Variants in GABRB2 observed in about 807,000 individuals in gnomAD.
The protein encoded by GABRB2 is gamma-aminobutyric acid type A receptor subunit beta2.
Under a neutral mutation model 54.7 loss-of-function variants are expected in GABRB2, and 16 were observed. The observed-to-expected ratio is 0.29, with a 90% CI of 0.20 to 0.44. The LOEUF (loss-of-function observed/expected upper bound fraction) is 0.44, where lower values mean the gene tolerates loss of function less well. Ranked by LOEUF, GABRB2 falls within the 20% of genes least tolerant of loss-of-function variation. The pLI is 1.00. For synonymous variants in GABRB2, 244 were observed against 233.8 expected (o/e 1.04, Z -0.40); for missense variants, 355 against 644.0 (o/e 0.55, Z 4.86).
intron 3 of GABRB2, among the ~76,000 whole-genome samples, chr5:161,461,873 T>A (rs1216561500): frequency 1.3e-5 from 2 of 152,228 alleles, no homozygotes; most frequent in East Asian, 3.9e-4. Flanking sequence ...CAAATCTGCA[T>A]AATTTTGTGT....
intron 9 of GABRB2, among the ~76,000 whole-genome samples, chr5:161,314,610 A>G (rs1757970205): frequency 6.6e-6 from 1 of 152,110 alleles, no homozygotes. Flanking sequence ...ATAAAATGGT[A>G]ATAAAAAATT....
At chr5:161,305,000 A>C (rs1757642973) in intron 9 of GABRB2, among the ~76,000 whole-genome samples, 1 of 134,856 alleles carries the variant, frequency 7.4e-6, no homozygotes, top group Non-Finnish European at 1.6e-5. Flanking sequence ...ATGATATATC[A>C]ATTTTTTTTT....
intron 4 of GABRB2, among the ~76,000 whole-genome samples, chr5:161,414,774 A>C: frequency 6.6e-6 from 1 of 151,760 alleles, no homozygotes; most frequent in Non-Finnish European, 1.5e-5. Context: ...ACAATAAATA[A>C]AACAAAGGGA....
chr5:161,294,347 C>A lies in GABRB2; in HGVS notation c.1273G>T (p.Gly425Ter). Residue 425 changes from glycine (G) to a stop codon, truncating the protein, a stop_gained, in exon 10 of 10, where the codon GGA (glycine) becomes TGA (stop). Coordinates refer to ENST00000393959, the MANE Select transcript of GABRB2 (RefSeq NM_001371727.1). LOFTEE classifies it high-confidence loss of function. ...MATSEAVMGL[G>*]DPRSTMLAYD... ...GCTAGCATTGTGCTTCTGGGGTCTCCAAGTCCCATCACAGCCTCAGATGTG... is the reference window on the plus strand; with the variant it reads ...GCTAGCATTGTGCTTCTGGGGTCTCAAAGTCCCATCACAGCCTCAGATGTG... 6.2e-7 allele frequency: 1 copy of A among 1,614,130 alleles called. No homozygotes were observed. Among genetic ancestry groups the A allele is most frequent in the Non-Finnish European group, 8.5e-7 (1 of 1,179,998 alleles).
intron 5 of GABRB2, among the ~76,000 whole-genome samples, chr5:161,353,449 G>A (rs984917003): frequency 1.3e-5 from 2 of 152,040 alleles, no homozygotes; most frequent in African/African-American, 4.8e-5. Context: ...ACAGATACAG[G>A]AACGTTGCTC....
chr5:161,359,440 G>GACACACACAC (rs57251440), intron 5 of GABRB2, among the ~76,000 whole-genome samples: 262 of 147,808 alleles, frequency 1.8e-3, no homozygotes, highest in East Asian at 6.7e-3. Context: ...AATTGCATCT[G>GACACACACAC]ACACACACAC....
intron 4 of GABRB2, among the ~76,000 whole-genome samples, chr5:161,418,559 A>C (rs542990163): frequency 1.5e-4 from 23 of 152,224 alleles, no homozygotes; most frequent in Non-Finnish European, 2.8e-4. Flanking sequence ...AACGTAAGAA[A>C]AACTCTTCTT....
At chr5:161,341,939 A>T (rs956961490) in intron 5 of GABRB2, among the ~76,000 whole-genome samples, 1 of 54,920 alleles carries the variant, frequency 1.8e-5, no homozygotes, top group Non-Finnish European at 4.7e-5. Flanking sequence ...TTTTTCTTTT[A>T]TATATATATA....
chr5:161,303,099 C>G (rs1480438357), intron 9 of GABRB2, among the ~76,000 whole-genome samples: 1 of 152,222 alleles, frequency 6.6e-6, no homozygotes, highest in African/African-American at 2.4e-5. Context: ...TACAGCCAGA[C>G]TATGAGAATG....
At chr5:161,423,266 A>G (rs1756901459) in intron 4 of GABRB2, among the ~76,000 whole-genome samples, 1 of 152,102 alleles carries the variant, frequency 6.6e-6, no homozygotes, top group Non-Finnish European at 1.5e-5. Flanking sequence ...GTTGGGAAAA[A>G]TCCCTCTTCA....
intron 9 of GABRB2, among the ~76,000 whole-genome samples, chr5:161,321,523 G>A (rs996295972): frequency 1.3e-5 from 2 of 152,042 alleles, no homozygotes; most frequent in Admixed American, 6.5e-5. Flanking sequence ...CATTTTACCA[G>A]AGGCTAGATT....
chr5:161,528,433 A>C (rs1270265144), intron 3 of GABRB2, among the ~76,000 whole-genome samples: 1 of 151,846 alleles, frequency 6.6e-6, no homozygotes, highest in East Asian at 1.9e-4. Flanking sequence ...TACCTGCTTT[A>C]CAAAGTAAAC....
intron 5 of GABRB2, among the ~76,000 whole-genome samples, chr5:161,337,600 A>G (rs1754029823): frequency 6.6e-6 from 1 of 152,154 alleles, no homozygotes; most frequent in Non-Finnish European, 1.5e-5. Context: ...ATTCTCTGTT[A>G]TTAATGATAC....
chr5:161,501,790 T>C, intron 3 of GABRB2, among the ~76,000 whole-genome samples: 2 of 151,480 alleles, frequency 1.3e-5, no homozygotes, highest in South Asian at 4.2e-4. Context: ...ATAACCTAAA[T>C]ATAAGTTAAA....
intron 3 of GABRB2, among the ~76,000 whole-genome samples, chr5:161,489,064 A>G (rs1759019929): frequency 6.6e-5 from 10 of 151,762 alleles, no homozygotes; most frequent in Admixed American, 6.6e-4. Flanking sequence ...GATGGTTGAA[A>G]CTATGAAATC....
rs1757235553 is a variant in GABRB2 at position 161,291,440 on chromosome 5, A to G, written c.*2641T>C. On this transcript the variant is annotated 3_prime_UTR_variant, in exon 10 of 10. Transcript: ENST00000393959. ...ACTGCATTTCATTTCAACGAAACAT[A>G]TATTTAAGAACAAATTCTACATCTA... The G allele has an allele frequency of 6.6e-6, 1 of 152,108 alleles. No individual in the cohort carries two copies. Among genetic ancestry groups the G allele is most frequent in the Non-Finnish European group, 1.5e-5 (1 of 68,014 alleles). The allele number at this position is 152,108 out of a possible 1,614,324, so 9.4% of individuals were successfully genotyped here. A position where few individuals can be genotyped will look rare whatever the true frequency, so the allele number is the denominator to read the frequency against.
intron 3 of GABRB2, among the ~76,000 whole-genome samples, chr5:161,465,801 T>C (rs1249424272): frequency 2.0e-5 from 3 of 152,164 alleles, no homozygotes; most frequent in Admixed American, 6.5e-5. Flanking sequence ...TTTAACTTTA[T>C]AGTTTGAAAC....
chr5:161,332,108 G>T (rs1753866641), intron 7 of GABRB2, among the ~76,000 whole-genome samples: 1 of 146,112 alleles, frequency 6.8e-6, no homozygotes, highest in Non-Finnish European at 1.5e-5. Flanking sequence ...GGAGCTTGCA[G>T]TGAGCCGAGA....
At position 161,289,231 on chromosome 5, in the gene GABRB2, G is replaced by GTTTTTTTTTTTTT. The variant is rs1580949222; in HGVS notation, c.*4849_*4850insAAAAAAAAAAAAA. On this transcript the variant is annotated 3_prime_UTR_variant, in exon 10 of 10. Transcript: ENST00000393959. ...AACCTAGTAGCTTTTTAAGAGTGCT[G>GTTTTTTTTTTTTT]CTTTTTTTTTTTTTTTTTGTACAGA... 1 of 60,674 alleles carries GTTTTTTTTTTTTT rather than the reference G, an allele frequency of 1.6e-5. No individual in the cohort carries two copies. Among genetic ancestry groups the GTTTTTTTTTTTTT allele is most frequent in the African/African-American group, 1.6e-4 (1 of 6,402 alleles). The allele number at this position is 60,674 out of a possible 1,614,324, so 3.8% of individuals were successfully genotyped here.
Sources: gnomAD v4.1 joint callset for allele counts (sites outside exome capture counted in the v4.1 genomes callset) on GRCh38, gnomAD v4.1.1 for gene constraint, MANE v1.5 for transcripts, NCBI Gene and HGNC (gene_info 2026-07-23, HGNC 2026-07-21) for gene names.